The following WDR33 variants were observed in gnomAD, a reference collection of about 807,000 sequenced individuals.
WDR33 encodes WD repeat domain 33.
WDR33 carries 47 observed loss-of-function variants against 164.9 expected under a neutral mutation model. That is an observed-to-expected ratio of 0.29 (90% CI 0.23 to 0.36). WDR33 has a LOEUF of 0.36. Ranked by LOEUF, WDR33 falls within the 10% of genes least tolerant of loss-of-function variation. WDR33 has a pLI of 1.00. For missense variants in WDR33, 1,137 were observed against 1,754.1 expected (o/e 0.65, Z 6.28); for synonymous variants, 505 against 589.0 (o/e 0.86, Z 2.06).
chr2:127,793,910 G>A (rs1242154446), intron 1 of WDR33, among the ~76,000 whole-genome samples: 2 of 152,096 alleles, frequency 1.3e-5, no homozygotes, highest in East Asian at 3.9e-4. Context: ...CAAGGCAGGA[G>A]GAAAGATTGA....
chr2:127,765,136 AC>A, intron 5 of WDR33, 37 bp downstream of exon 5: 2 of 1,593,894 alleles, frequency 1.3e-6, no homozygotes, highest in Non-Finnish European at 1.7e-6. Flanking sequence ...TCTTTACAGT[AC>A]CACAGGATGA....
rs10174851 is a variant in WDR33 at position 127,781,922 on chromosome 2, C to T, written c.-23-10918G>A. Among the ~76,000 whole-genome samples the T allele has an allele frequency of 6.3e-3, 928 of 148,250 alleles. 6 individuals carry two copies. The highest frequency in any genetic ancestry group is 0.022 in the African/African-American group (883 of 39,860). The stretch of plus-strand genomic sequence containing the variant: ...CTGAGGCAGGAGAATTGCCTGAACC[C>T]GGGAGGTGGAGGTTGCGGTGAGCCA... On this transcript the variant is annotated intron_variant, in intron 1 of 21. Transcript: ENST00000322313.
rs13021416 is a variant in WDR33 at position 127,780,042 on chromosome 2, C to T, written c.-23-9038G>A. On this transcript the variant is annotated intron_variant, in intron 1 of 21. Transcript: ENST00000322313. ...AGGCTAGAGTGCAGTGGTGCGATCT[C>T]GGCTCACTGCAAGCTCCGCCTCCCG... Among the ~76,000 whole-genome samples, 3 of 149,168 alleles carry T rather than the reference C, an allele frequency of 2.0e-5. No individual in the cohort carries two copies. In the East Asian group the frequency reaches 5.9e-4, roughly 29 times the overall value.
At chr2:127,772,461 T>C (rs1688042145) in intron 1 of WDR33, among the ~76,000 whole-genome samples, 1 of 152,048 alleles carries the variant, frequency 6.6e-6, no homozygotes, top group Admixed American at 6.6e-5. Flanking sequence ...CACTTAGATG[T>C]TTGATTATAA....
Position 127,722,071 on chromosome 2 carries a change from T to C in WDR33, c.1519-83A>G. 6.8e-7 allele frequency: 1 copy of C among 1,472,114 alleles called. No homozygotes were observed. Among genetic ancestry groups the C allele is most frequent in the Non-Finnish European group, 9.2e-7 (1 of 1,087,118 alleles). The allele number at this position is 1,472,114 out of a possible 1,614,324, so 91.2% of individuals were successfully genotyped here. On this transcript the variant is annotated intron_variant, in intron 14 of 21. Coordinates refer to ENST00000322313, the MANE Select transcript of WDR33 (RefSeq NM_018383.5). This position sits in a 1 kb window ranked among gnomAD's most constrained non-coding sequence, Gnocchi z 5.1. ...ATGAGAAAACCACTCTACAATGTCA[T>C]CTGCTCAATCTAACCTCTGAACCGA...
At chr2:127,762,911 A>C in intron 7 of WDR33, 151 bp downstream of exon 7, 1 of 1,430,842 alleles carries the variant, frequency 7.0e-7, no homozygotes, top group South Asian at 1.6e-5. Flanking sequence ...GAGTCAGAGA[A>C]AGTGCTGGGT....
At chr2:127,744,621 A>T (rs1687116314) in intron 7 of WDR33, among the ~76,000 whole-genome samples, 1 of 152,206 alleles carries the variant, frequency 6.6e-6, no homozygotes, top group Non-Finnish European at 1.5e-5. Context: ...GAGGGGAAAG[A>T]CGTTGACTTT....
intron 1 of WDR33, among the ~76,000 whole-genome samples, chr2:127,800,787 G>C (rs1212674400): frequency 2.0e-5 from 3 of 152,050 alleles, no homozygotes; most frequent in Non-Finnish European, 4.4e-5. Context: ...ATCTATTCCT[G>C]TATATGAAAC....
intron 7 of WDR33, among the ~76,000 whole-genome samples, chr2:127,751,167 C>G (rs1687348477): frequency 6.6e-6 from 1 of 151,684 alleles, no homozygotes; most frequent in South Asian, 2.1e-4. Flanking sequence ...TCAAGACCAG[C>G]CTAGGCAACA....
chr2:127,766,791 CAG>C (rs976038406), intron 4 of WDR33, among the ~76,000 whole-genome samples: 1 of 149,122 alleles, frequency 6.7e-6, no homozygotes, highest in African/African-American at 2.5e-5. Context: ...TTTTTTGAAA[CAG>C]AGTTTCGATC....
rs1686489959 is a variant in WDR33, at chr2:127,723,534, G to A, written c.1197-187C>T. 1.3e-5 allele frequency among the ~76,000 whole-genome samples: 2 copies of A among 152,152 alleles called. No homozygotes were observed. The highest frequency in any genetic ancestry group is 2.9e-5 in the Non-Finnish European group (2 of 68,032). ...CCAGCACTTTGGGAGGCTGTGGCAGGAGGATTAAGTCCAGGAGTCCAAGAC... is the reference window on the plus strand; with the variant it reads ...CCAGCACTTTGGGAGGCTGTGGCAGAAGGATTAAGTCCAGGAGTCCAAGAC... On this transcript the variant is annotated intron_variant, in intron 11 of 21. Transcript: ENST00000322313. This position sits in a 1 kb window ranked among gnomAD's most constrained non-coding sequence, Gnocchi z 5.9.
At position 127,713,570 on chromosome 2, in the gene WDR33, G is replaced by T; in HGVS notation, c.3308+13C>A. 1 of 1,613,720 alleles carries T rather than the reference G, an allele frequency of 6.2e-7. No homozygotes were observed. Among genetic ancestry groups the T allele is most frequent in the Non-Finnish European group, 8.5e-7 (1 of 1,179,840 alleles). On this transcript the variant is annotated intron_variant, in intron 18 of 21. Transcript: ENST00000322313. This position sits in a 1 kb window ranked among gnomAD's most constrained non-coding sequence, Gnocchi z 6.2. ...ACTGAAGATGGAATGGGCCCACAAA[G>T]TATCTGTCCCACCTTTCTTCTCTGC...
chr2:127,716,994 C>T lies in WDR33; in HGVS notation c.2869+161G>A, dbSNP rs1686317503. Among the ~76,000 whole-genome samples, 1 of 152,218 alleles carries T rather than the reference C, an allele frequency of 6.6e-6. No individual in the cohort carries two copies. The highest frequency in any genetic ancestry group is 2.4e-5 in the African/African-American group (1 of 41,464). ...GGGGCTTACTAAACAGATCCAAGAACACAACCAAAGACAAAGCTCCTACCT... is the reference window on the plus strand; with the variant it reads ...GGGGCTTACTAAACAGATCCAAGAATACAACCAAAGACAAAGCTCCTACCT... On this transcript the variant is annotated intron_variant, in intron 17 of 21. Transcript: ENST00000322313. The surrounding 1 kb of genome is among the most constrained non-coding windows in gnomAD (Gnocchi z 4.5).
At chr2:127,776,855 C>T (rs1357402099) in intron 1 of WDR33, among the ~76,000 whole-genome samples, 2 of 152,210 alleles carry the variant, frequency 1.3e-5, no homozygotes, top group Non-Finnish European at 2.9e-5. Flanking sequence ...TGGGATTATA[C>T]TCCAAAGATC....
intron 7 of WDR33, among the ~76,000 whole-genome samples, chr2:127,743,227 A>AT (rs1484453975): frequency 2.0e-5 from 3 of 152,236 alleles, no homozygotes; most frequent in Non-Finnish European, 4.4e-5. Context: ...AAATTGAAAA[A>AT]TTAAAAACCT....
In WDR33 at chr2:127,701,552, G is replaced by T; in HGVS notation, c.*4771C>A. ...AGATGGCGGACCTCCACCGCCAGCT[G>T]CAGGAGTACCTGGCGCAGGGGAAAG... On this transcript the variant is annotated 3_prime_UTR_variant, in exon 22 of 22. Coordinates refer to ENST00000322313, the MANE Select transcript of WDR33 (RefSeq NM_018383.5). 7.3e-7 allele frequency: 1 copy of T among 1,362,016 alleles called. No homozygotes were observed. 84.4% of individuals were successfully genotyped at this position (1,362,016 alleles called of 1,614,324 possible). A position where few individuals can be genotyped will look rare whatever the true frequency, so the allele number is the denominator to read the frequency against.
In WDR33 at chr2:127,720,131, G is replaced by C. The variant is rs1228522044; in HGVS notation, c.1894C>G (p.Gln632Glu). ...GGACCTTGTGGTCCCATTTGTCCCT[G>C]GGGTCCAGGAGGCCTAAACTGTCCC... ...PQGQFRPPGP[Q>E]GQMGPQGPPL... is the part of the protein sequence containing the mutation. Residue 632 changes from glutamine to glutamate, a missense_variant, in exon 16 of 22, where the codon CAG becomes GAG. Physicochemically the swap from Gln to Glu is conservative, Grantham distance 29. Transcript: ENST00000322313. The surrounding 1 kb of genome is among the most constrained non-coding windows in gnomAD (Gnocchi z 5.9). The C allele has an allele frequency of 6.2e-7, 1 of 1,614,132 alleles. No homozygotes were observed. The highest frequency in any genetic ancestry group is 1.7e-5 in the Admixed American group (1 of 60,016).
At chr2:127,803,684 C>T (rs1378705241) in intron 1 of WDR33, among the ~76,000 whole-genome samples, 1 of 152,090 alleles carries the variant, frequency 6.6e-6, no homozygotes, top group East Asian at 1.9e-4. Context: ...CATCCAAATC[C>T]TGGTTTATAA....
intron 7 of WDR33, among the ~76,000 whole-genome samples, chr2:127,740,469 C>G (rs142325720): frequency 6.6e-6 from 1 of 152,078 alleles, no homozygotes; most frequent in African/African-American, 2.4e-5. Flanking sequence ...GGCTTGAGCC[C>G]GGGAGGTCAA....
Sources: gnomAD v4.1 joint callset for allele counts (sites outside exome capture counted in the v4.1 genomes callset) on GRCh38, gnomAD v4.1.1 for gene constraint, Gnocchi (gnomAD v3.1) non-coding constraint, MANE v1.5 for transcripts, NCBI Gene and HGNC (gene_info 2026-07-23, HGNC 2026-07-21) for gene names.